Variants in ARFGEF3 observed in about 807,000 individuals in gnomAD.
The protein encoded by ARFGEF3 is ARFGEF family member 3, also known as brefeldin A-inhibited guanine nucleotide-exchange protein 3.
A neutral mutation model predicts 221.7 loss-of-function variants in ARFGEF3; 96 were observed. That is an observed-to-expected ratio of 0.43 (90% CI 0.37 to 0.51). The LOEUF (loss-of-function observed/expected upper bound fraction) is 0.51, where lower values mean the gene tolerates loss of function less well. Ranked by LOEUF, ARFGEF3 falls within the 20% of genes least tolerant of loss-of-function variation. The pLI is 0.00. For missense variants in ARFGEF3, 2,410 were observed against 2,789.9 expected (o/e 0.86, Z 3.07); for synonymous variants, 1,145 against 1,126.8 (o/e 1.02, Z -0.32).
chr6:138,245,640 GAA>G, intron 8 of ARFGEF3, 49 bp downstream of exon 8: 1 of 1,353,854 alleles, frequency 7.4e-7, no homozygotes, highest in Non-Finnish European at 1.0e-6. Flanking sequence ...GTCTACTTCT[GAA>G]ATAACCTTTG....
At chr6:138,177,854 A>G (rs1776986568) in intron 2 of ARFGEF3, among the ~76,000 whole-genome samples, 1 of 152,044 alleles carries the variant, frequency 6.6e-6, no homozygotes, top group African/African-American at 2.4e-5. Context: ...TTTCATTCAT[A>G]TCATGAATTG....
intron 4 of ARFGEF3, among the ~76,000 whole-genome samples, chr6:138,225,368 T>C (rs1228677436): frequency 6.6e-6 from 1 of 152,232 alleles, no homozygotes; most frequent in African/African-American, 2.4e-5. Flanking sequence ...CTTCCTTAGG[T>C]TGGTGCATCT....
chr6:138,166,005 G>A (rs1776716263), intron 1 of ARFGEF3, among the ~76,000 whole-genome samples: 1 of 152,234 alleles, frequency 6.6e-6, no homozygotes, highest in African/African-American at 2.4e-5. Flanking sequence ...AAGTTCCACT[G>A]AAATCCAGAG....
intron 2 of ARFGEF3, among the ~76,000 whole-genome samples, chr6:138,189,273 G>C (rs1217262750): frequency 6.6e-6 from 1 of 152,204 alleles, no homozygotes; most frequent in Non-Finnish European, 1.5e-5. Flanking sequence ...AACTGAGTAT[G>C]TTCTCAGTGT....
Position 138,313,777 on chromosome 6 carries a change from C to G in ARFGEF3, c.4201-18C>G. 6.2e-7 allele frequency: 1 copy of G among 1,607,360 alleles called. No homozygotes were observed. The highest frequency in any genetic ancestry group is 8.5e-7 in the Non-Finnish European group (1 of 1,174,572). ...TTTCCAACATATAATTGCAGTTTGT[C>G]TTTTTATTTTAATTTAGTTATTGGC... On this transcript the variant is annotated intron_variant, in intron 25 of 33. Transcript: ENST00000251691.
rs2114646862 is a variant in ARFGEF3 at position 138,298,586 on chromosome 6, C to T, written c.3649-20C>T. 1 of 1,604,356 alleles carries T rather than the reference C, an allele frequency of 6.2e-7. No homozygotes were observed. Among genetic ancestry groups the T allele is most frequent in the Non-Finnish European group, 8.5e-7 (1 of 1,174,636 alleles). On this transcript the variant is annotated intron_variant, in intron 21 of 33. Coordinates refer to ENST00000251691, the MANE Select transcript of ARFGEF3 (RefSeq NM_020340.5). The stretch of plus-strand genomic sequence containing the variant: ...TGTCTGCTGTCCTGATGGTGAGCCA[C>T]TCTCTCGTGAATTTTGCAGGCTGCT...
At chr6:138,232,481 G>A (rs191298186) in intron 5 of ARFGEF3, among the ~76,000 whole-genome samples, 8 of 152,242 alleles carry the variant, frequency 5.3e-5, no homozygotes, top group East Asian at 3.9e-4. Flanking sequence ...TTATACCTGC[G>A]GAAGGCTTCT....
At position 138,255,498 on chromosome 6, in the gene ARFGEF3, C is replaced by A. The variant is rs763982048; in HGVS notation, c.833C>A (p.Thr278Asn). 3.1e-6 allele frequency: 5 copies of A among 1,613,984 alleles called. No individual in the cohort carries two copies. Among genetic ancestry groups the A allele is most frequent in the African/African-American group, 1.3e-5 (1 of 75,058 alleles). ...AATCCAATTCATGACAAAACCATCA[C>A]CTCTGCTCACACCAGCAGCACCAGT... Reference protein sequence around the residue: ...LGNPIHDKTITSAHTSSTSTS... With the variant: ...LGNPIHDKTINSAHTSSTSTS... The change falls in exon 10 of 34, where the codon ACC (threonine) becomes AAC (asparagine). Residue 278 changes from threonine to asparagine, a missense_variant. Physicochemically the swap from Thr to Asn is moderately conservative, Grantham distance 65 (BLOSUM62 0). Transcript: ENST00000251691.
In ARFGEF3 at chr6:138,162,053, C is replaced by T. The variant is rs1776623553; in HGVS notation, c.-34C>T. The T allele has an allele frequency of 2.6e-6, 4 of 1,531,782 alleles. No homozygotes were observed. The highest frequency in any genetic ancestry group is 2.7e-6 in the Non-Finnish European group (3 of 1,131,338). The allele number at this position is 1,531,782 out of a possible 1,614,324, so 94.9% of individuals were successfully genotyped here. ...GCCCGGCTCGCCCGCGCTTCTCTCC[C>T]TGTGGGCGGCGGCCCGGCGCCTGGA... On this transcript the variant is annotated 5_prime_UTR_variant, in exon 1 of 34. Coordinates refer to ENST00000251691, the MANE Select transcript of ARFGEF3 (RefSeq NM_020340.5). This position sits in a 1 kb window ranked among gnomAD's most constrained non-coding sequence, Gnocchi z 4.7.
At chr6:138,255,370 A>T in intron 9 of ARFGEF3, 66 bp from the exon 10 acceptor site, 2 of 1,182,194 alleles carry the variant, frequency 1.7e-6, no homozygotes, top group Non-Finnish European at 2.4e-6. Context: ...GCATCTGTTT[A>T]CTCGCAGAGT....
chr6:138,329,932 TA>T (rs1329798351), intron 32 of ARFGEF3, among the ~76,000 whole-genome samples: 1 of 151,520 alleles, frequency 6.6e-6, no homozygotes. Context: ...CGAAGGGAGA[TA>T]GGGGTGGGGC....
intron 5 of ARFGEF3, among the ~76,000 whole-genome samples, chr6:138,234,550 ATACC>A (rs1365362003): frequency 6.6e-6 from 1 of 152,040 alleles, no homozygotes; most frequent in Non-Finnish European, 1.5e-5. Context: ...CTCTTGCCAC[ATACC>A]TACCTGTTGA....
At chr6:138,243,338 TAGA>T (rs1778428215) in intron 7 of ARFGEF3, among the ~76,000 whole-genome samples, 1 of 152,200 alleles carries the variant, frequency 6.6e-6, no homozygotes, top group Non-Finnish European at 1.5e-5. Flanking sequence ...TAGAAGATTA[TAGA>T]AACCTGATTG....
chr6:138,311,749 C>T (rs953284341), intron 25 of ARFGEF3, among the ~76,000 whole-genome samples: 2 of 152,130 alleles, frequency 1.3e-5, no homozygotes, highest in East Asian at 1.9e-4. Flanking sequence ...TTTTCCCTCA[C>T]GCTCAGATGC....
intron 5 of ARFGEF3, among the ~76,000 whole-genome samples, chr6:138,234,495 T>TGTGTG (rs1272068329): frequency 3.9e-5 from 6 of 151,994 alleles, no homozygotes; most frequent in Admixed American, 1.3e-4. Flanking sequence ...TGTGTGTGTG[T>TGTGTG]GTGTGGTGTG....
intron 6 of ARFGEF3, among the ~76,000 whole-genome samples, chr6:138,239,505 C>T (rs1778353449): frequency 6.6e-6 from 1 of 151,748 alleles, no homozygotes; most frequent in Admixed American, 6.6e-5. Context: ...AAAAATTAGC[C>T]GGGTGTGGTG....
chr6:138,164,565 AC>A (rs1379492402), intron 1 of ARFGEF3, among the ~76,000 whole-genome samples: 1 of 152,218 alleles, frequency 6.6e-6, no homozygotes, highest in Non-Finnish European at 1.5e-5. Flanking sequence ...GATTGTGTGC[AC>A]AGGTAGGCTC....
intron 4 of ARFGEF3, among the ~76,000 whole-genome samples, chr6:138,219,900 C>A (rs1316778922): frequency 6.6e-6 from 1 of 152,160 alleles, no homozygotes; most frequent in African/African-American, 2.4e-5. Flanking sequence ...TTGTAAATCC[C>A]ATCATGTTGA....
At position 138,245,516 on chromosome 6, in the gene ARFGEF3, C is replaced by T. The variant is rs1257993634; in HGVS notation, c.590C>T (p.Ser197Leu). The change falls in exon 8 of 34, where the codon TCA becomes TTA. Residue 197 changes from serine to leucine, a missense_variant. Physicochemically the swap from Ser to Leu is moderately radical, Grantham distance 145. This residue lies in a region of ARFGEF3 where 570 missense variants were observed against 586.9 expected (regional missense o/e 0.97). Transcript: ENST00000251691. ...DVPQDFGNQG[S>L]TVESLCDDVV... ...TGTAACCTCCTCTGTTTTGAAGGGT[C>T]AACAGTAGAGTCCCTCTGTGATGAT... is the stretch of plus-strand genomic sequence containing the variant. 2 of 1,609,700 alleles carry T rather than the reference C, an allele frequency of 1.2e-6. No individual in the cohort carries two copies. The highest frequency in any genetic ancestry group is 1.7e-6 in the Non-Finnish European group (2 of 1,177,808).
Sources: gnomAD v4.1 joint callset for allele counts (sites outside exome capture counted in the v4.1 genomes callset) on GRCh38, gnomAD v4.1.1 for gene constraint, gnomAD v4.1.1 regional missense constraint, Gnocchi (gnomAD v3.1) non-coding constraint, MANE v1.5 for transcripts, NCBI Gene and HGNC (gene_info 2026-07-23, HGNC 2026-07-21) for gene names.